TBC1D12: variants seen among roughly 807,000 people sequenced by gnomAD.
TBC1D12 encodes TBC1 domain family member 12.
TBC1D12 carries 56 observed loss-of-function variants against 86.7 expected under a neutral mutation model. That is an observed-to-expected ratio of 0.65 (90% CI 0.52 to 0.81). The LOEUF is 0.81. Ranked by LOEUF, TBC1D12 falls within the 30% of genes least tolerant of loss-of-function variation. TBC1D12 has a pLI of 0.00. For missense variants in TBC1D12, 1,023 were observed against 1,038.8 expected (o/e 0.98, Z 0.21); for synonymous variants, 421 against 411.7 (o/e 1.02, Z -0.27).
At chr10:94,413,143 C>G (rs1282281768) in intron 1 of TBC1D12, among the ~76,000 whole-genome samples, 1 of 152,140 alleles carries the variant, frequency 6.6e-6, no homozygotes, top group African/African-American at 2.4e-5. Context: ...TATTCAGGTA[C>G]TATGTAATTG....
At chr10:94,484,776 T>C (rs990897784) in intron 3 of TBC1D12, among the ~76,000 whole-genome samples, 1 of 152,212 alleles carries the variant, frequency 6.6e-6, no homozygotes, top group African/African-American at 2.4e-5. Context: ...ATTTCTTTTA[T>C]CAGTGTTTTT....
intron 3 of TBC1D12, among the ~76,000 whole-genome samples, chr10:94,481,868 T>G (rs1054242220): frequency 6.6e-6 from 1 of 152,212 alleles, no homozygotes; most frequent in Non-Finnish European, 1.5e-5. Context: ...TGAGATACTT[T>G]GATACAGGCA....
At chr10:94,405,335 C>T (rs1481854189) in intron 1 of TBC1D12, among the ~76,000 whole-genome samples, 2 of 152,064 alleles carry the variant, frequency 1.3e-5, no homozygotes, top group African/African-American at 4.8e-5. Flanking sequence ...ATTGATATTT[C>T]TTATTCCTCT....
At chr10:94,493,151 TACACAC>T (rs10532128) in intron 3 of TBC1D12, among the ~76,000 whole-genome samples, 13,898 of 149,988 alleles carry the variant, frequency 0.093, 843 homozygotes, top group Non-Finnish European at 0.14. Flanking sequence ...GACATAGAAC[TACACAC>T]ACACACACAC....
chr10:94,461,398 G>A (rs2055727930), intron 2 of TBC1D12, among the ~76,000 whole-genome samples: 2 of 152,104 alleles, frequency 1.3e-5, no homozygotes, highest in African/African-American at 4.8e-5. Context: ...AGCAGGTTAG[G>A]CTCTGGTAAA....
intron 1 of TBC1D12, among the ~76,000 whole-genome samples, chr10:94,407,129 GTAT>G (rs1449955461): frequency 1.3e-5 from 2 of 152,074 alleles, no homozygotes; most frequent in Non-Finnish European, 2.9e-5. Flanking sequence ...TTACTACATA[GTAT>G]TATGTTAAGA....
intron 2 of TBC1D12, among the ~76,000 whole-genome samples, chr10:94,471,147 A>T (rs2055899547): frequency 6.6e-6 from 1 of 151,984 alleles, no homozygotes; most frequent in African/African-American, 2.4e-5. Flanking sequence ...ATGGTGGCAC[A>T]TGCCTGTAAT....
At chr10:94,527,284 C>T (rs147230146) in intron 11 of TBC1D12, among the ~76,000 whole-genome samples, 1,811 of 151,874 alleles carry the variant, frequency 0.012, 40 homozygotes, top group African/African-American at 0.042. Context: ...GAGACGGGGT[C>T]TCACCATGTT....
chr10:94,486,030 A>G (rs1037305672), intron 3 of TBC1D12, among the ~76,000 whole-genome samples: 2 of 149,240 alleles, frequency 1.3e-5, no homozygotes, highest in African/African-American at 4.9e-5. Flanking sequence ...AGGTTTCTCA[A>G]TTTTGTTTTT....
chr10:94,429,045 CTT>C (rs200788629), intron 1 of TBC1D12, among the ~76,000 whole-genome samples: 5 of 145,382 alleles, frequency 3.4e-5, no homozygotes, highest in African/African-American at 7.5e-5. Context: ...CCTGGATAGT[CTT>C]TTTTTTTTTT....
chr10:94,516,210 TCTG>T (rs2056589334), intron 9 of TBC1D12, among the ~76,000 whole-genome samples: 1 of 152,232 alleles, frequency 6.6e-6, no homozygotes. Flanking sequence ...TCATTATACT[TCTG>T]CTACAAATAT....
chr10:94,405,701 A>C (rs964871198), intron 1 of TBC1D12, among the ~76,000 whole-genome samples: 3 of 152,168 alleles, frequency 2.0e-5, no homozygotes, highest in African/African-American at 7.2e-5. Context: ...TCTGCCATGC[A>C]TTGTGAATAG....
intron 1 of TBC1D12, among the ~76,000 whole-genome samples, chr10:94,434,303 C>T (rs983813368): frequency 8.7e-4 from 132 of 151,840 alleles, no homozygotes; most frequent in African/African-American, 2.9e-3. Context: ...GTCAGGAGTT[C>T]GAGACCAGCC....
intron 3 of TBC1D12, among the ~76,000 whole-genome samples, chr10:94,484,558 C>T (rs1183377817): frequency 2.0e-5 from 3 of 152,084 alleles, no homozygotes; most frequent in Non-Finnish European, 4.4e-5. Flanking sequence ...TCTTTTTGCT[C>T]AAAATAGCTT....
At chr10:94,523,003 A>G (rs908656420) in intron 11 of TBC1D12, among the ~76,000 whole-genome samples, 18 of 145,640 alleles carry the variant, frequency 1.2e-4, no homozygotes, top group African/African-American at 4.6e-4. Context: ...CAAGATTGCG[A>G]TACTGCACTC....
At chr10:94,422,356 A>AT (rs1410246090) in intron 1 of TBC1D12, among the ~76,000 whole-genome samples, 3 of 151,092 alleles carry the variant, frequency 2.0e-5, no homozygotes, top group Non-Finnish European at 3.0e-5. Context: ...CACCCAGCCA[A>AT]TTTTTGTATT....
rs570264038 is a variant in TBC1D12, at chr10:94,522,184, C to T, written c.1890+101C>T. On this transcript the variant is annotated intron_variant, in intron 10 of 12. Transcript: ENST00000225235. Reference sequence around the variant, plus strand: ...CCAAAACAATCTAATCTAATATAAACTTATCATTATATTATAGTTTATTAA... The same window carrying T: ...CCAAAACAATCTAATCTAATATAAATTTATCATTATATTATAGTTTATTAA... 3.6e-4 allele frequency: 504 copies of T among 1,382,370 alleles called. 5 individuals carry two copies. The South Asian group carries it at 5.4e-3, about 15-fold the overall frequency. 85.6% of individuals were successfully genotyped at this position (1,382,370 alleles called of 1,614,324 possible).
intron 11 of TBC1D12, among the ~76,000 whole-genome samples, chr10:94,525,543 G>T (rs1408982341): frequency 6.6e-6 from 1 of 151,200 alleles, no homozygotes; most frequent in Non-Finnish European, 1.5e-5. Flanking sequence ...GGCCAAGGTT[G>T]CAGTAAGTCA....
chr10:94,502,833 T>G (rs553274312), intron 6 of TBC1D12, among the ~76,000 whole-genome samples: 14 of 152,188 alleles, frequency 9.2e-5, no homozygotes, highest in Non-Finnish European at 1.8e-4. Context: ...AAAATTTTTC[T>G]TTTTATATTT....
Sources: allele counts gnomAD v4.1 joint callset (sites outside exome capture counted in the v4.1 genomes callset), GRCh38; gene constraint gnomAD v4.1.1; transcripts MANE v1.5; gene names NCBI Gene and HGNC (gene_info 2026-07-23, HGNC 2026-07-21).